USP10: variants seen among roughly 807,000 people sequenced by gnomAD.
USP10 encodes the protein ubiquitin carboxyl-terminal hydrolase 10.
USP10 carries 22 observed loss-of-function variants against 84.5 expected under a neutral mutation model. The ratio of observed to expected loss-of-function variants is 0.26; its 90% CI spans 0.19 to 0.37. The LOEUF (loss-of-function observed/expected upper bound fraction) is 0.37, where lower values mean the gene tolerates loss of function less well. Among genes scored for constraint, USP10 ranks in the 10% least tolerant of loss-of-function variants. The pLI is 1.00. For synonymous variants in USP10, 454 were observed against 387.6 expected, an observed-to-expected ratio of 1.17 and a Z score of -2.01; for missense variants, 1,019 against 998.9, an observed-to-expected ratio of 1.02 and a Z score of -0.27.
intron 8 of USP10, among the ~76,000 whole-genome samples, chr16:84,760,554 A>C (rs1913093552): frequency 6.6e-6 from 1 of 152,220 alleles, no homozygotes; most frequent in African/African-American, 2.4e-5. Context: ...GCTAATGTAC[A>C]TGGCAGAACC....
chr16:84,712,921 C>T (rs572968910), intron 1 of USP10, among the ~76,000 whole-genome samples: 4 of 152,332 alleles, frequency 2.6e-5, no homozygotes, highest in Non-Finnish European at 5.9e-5. Context: ...GAGTTACCAG[C>T]AAGTGCTTGG....
At chr16:84,773,757 A>C (rs1040332509) in intron 12 of USP10, among the ~76,000 whole-genome samples, 1 of 152,128 alleles carries the variant, frequency 6.6e-6, no homozygotes, top group African/African-American at 2.4e-5. Context: ...TCCCCATTTT[A>C]TTCTATCCAT....
intron 1 of USP10, among the ~76,000 whole-genome samples, chr16:84,707,923 C>A (rs1430489083): frequency 1.3e-5 from 2 of 151,756 alleles, no homozygotes; most frequent in African/African-American, 4.8e-5. Flanking sequence ...TACAAAAATA[C>A]AAAAATTCAC....
At chr16:84,771,570 A>T (rs1357423579) in intron 11 of USP10, among the ~76,000 whole-genome samples, 1 of 152,202 alleles carries the variant, frequency 6.6e-6, no homozygotes. Context: ...GAGTTATTTT[A>T]AAATGGGTCA....
intron 7 of USP10, 100 bp from the exon 8 acceptor site, chr16:84,760,072 T>C: frequency 1.3e-6 from 2 of 1,513,098 alleles, no homozygotes; most frequent in Admixed American, 1.8e-5. Flanking sequence ...TTCTCAACAT[T>C]CAGCCAGGTG....
chr16:84,764,523 G>C (rs1913600407), intron 10 of USP10, among the ~76,000 whole-genome samples: 1 of 152,166 alleles, frequency 6.6e-6, no homozygotes, highest in Non-Finnish European at 1.5e-5. Flanking sequence ...CTCACTGCTA[G>C]GGAGTAAGAG....
chr16:84,754,258 A>G (rs574050532), intron 4 of USP10, among the ~76,000 whole-genome samples: 2 of 152,304 alleles, frequency 1.3e-5, no homozygotes, highest in South Asian at 4.2e-4. Flanking sequence ...ACAGAATGAT[A>G]CGGTATTTTA....
At chr16:84,737,306 C>G (rs1054615636) in intron 2 of USP10, among the ~76,000 whole-genome samples, 1 of 152,214 alleles carries the variant, frequency 6.6e-6, no homozygotes, top group African/African-American at 2.4e-5. Flanking sequence ...CCCTTGCTCA[C>G]TTTGCATTTG....
intron 1 of USP10, among the ~76,000 whole-genome samples, chr16:84,717,039 G>T (rs529384499): frequency 2.0e-5 from 3 of 152,188 alleles, no homozygotes; most frequent in African/African-American, 7.2e-5. Flanking sequence ...TTAAAAGTCC[G>T]TTGAGAATCA....
At chr16:84,748,532 G>A (rs1401860866) in intron 4 of USP10, among the ~76,000 whole-genome samples, 1 of 152,058 alleles carries the variant, frequency 6.6e-6, no homozygotes, top group Non-Finnish European at 1.5e-5. Flanking sequence ...TTGAGCTCCT[G>A]ACCTCAAGTG....
intron 2 of USP10, among the ~76,000 whole-genome samples, chr16:84,735,214 TGTGTGTGTGTGTGTGTGTGTGTGG>T (rs1266650779): frequency 6.3e-5 from 4 of 63,104 alleles, no homozygotes; most frequent in African/African-American, 2.8e-4. Flanking sequence ...TGTGTGTGTG[TGTGTGTGTGTGTGTGTGTGTGTGG>T]TGTGTGTGTT....
chr16:84,767,547 G>T (rs923540286), intron 10 of USP10, among the ~76,000 whole-genome samples: 1 of 152,032 alleles, frequency 6.6e-6, no homozygotes, highest in Non-Finnish European at 1.5e-5. Context: ...TATTTTATTA[G>T]AACAGGCTAT....
At position 84,733,440 on chromosome 16, in the gene USP10, T is replaced by C; in HGVS notation, c.27T>C (p.Ile9=). 1 of 1,605,742 alleles carries C rather than the reference T, an allele frequency of 6.2e-7. No homozygotes were observed. Among genetic ancestry groups the C allele is most frequent in the Non-Finnish European group, 8.5e-7 (1 of 1,176,498 alleles). Reference sequence around the variant, plus strand: ...ACTCTCTTATTTTTTTTCAGTATATTTTTGGAGATTTTAGCCCTGATGAAT... The same window carrying C: ...ACTCTCTTATTTTTTTTCAGTATATCTTTGGAGATTTTAGCCCTGATGAAT... The part of the protein sequence containing the change: MALHSPQY[I]FGDFSPDEFN... Residue 9 remains isoleucine, a synonymous_variant, in exon 2 of 14, where the codon ATT becomes ATC. Transcript: ENST00000219473.
At chr16:84,778,462 G>A (rs1288534918) in intron 13 of USP10, among the ~76,000 whole-genome samples, 3 of 152,186 alleles carry the variant, frequency 2.0e-5, no homozygotes, top group South Asian at 2.1e-4. Flanking sequence ...GAGGTTTTCC[G>A]TTTTTTCACT....
chr16:84,775,402 G>T (rs532823191), intron 13 of USP10, among the ~76,000 whole-genome samples, 177 bp downstream of exon 13: 6 of 152,176 alleles, frequency 3.9e-5, no homozygotes, highest in Admixed American at 3.9e-4. Context: ...CGTAGATGAC[G>T]GATTATCATC....
rs373570866 is a variant in USP10 at position 84,759,942 on chromosome 16, A to C, written c.1446A>C (p.Arg482=). The change falls in exon 7 of 14, where the codon CGA becomes CGC. Residue 482 remains arginine, a synonymous_variant. Coordinates refer to ENST00000219473, the MANE Select transcript of USP10 (RefSeq NM_005153.3). ...FTNMPVPPKP[R]QALGDKIVRD... is the part of the protein sequence containing the mutation. Reference sequence around the variant, plus strand: ...ATATGCCAGTACCTCCAAAACCCCGACAAGGTTAGTAAAAATGAGTTTTGT... The same window carrying C: ...ATATGCCAGTACCTCCAAAACCCCGCCAAGGTTAGTAAAAATGAGTTTTGT... The C allele has an allele frequency of 3.1e-6, 5 of 1,613,878 alleles. No individual in the cohort carries two copies. In the African/African-American group the frequency reaches 6.7e-5, roughly 22 times the overall value.
intron 3 of USP10, among the ~76,000 whole-genome samples, chr16:84,743,068 C>T (rs777536548): frequency 6.6e-5 from 10 of 152,300 alleles, no homozygotes; most frequent in Admixed American, 1.3e-4. Flanking sequence ...GGAGCCTTGA[C>T]GGCCCCAGAA....
At chr16:84,745,772 C>A in intron 4 of USP10, 99 bp downstream of exon 4, 1 of 1,278,784 alleles carries the variant, frequency 7.8e-7, no homozygotes, top group Non-Finnish European at 1.1e-6. Context: ...GGCAGATTAC[C>A]TGTGTGTTAA....
chr16:84,731,272 C>T (rs1326685160), intron 1 of USP10, among the ~76,000 whole-genome samples: 2 of 151,780 alleles, frequency 1.3e-5, no homozygotes, highest in Non-Finnish European at 2.9e-5. Context: ...AGCCACCGCT[C>T]CCGGCCTCTA....
Sources: allele counts gnomAD v4.1 joint callset (sites outside exome capture counted in the v4.1 genomes callset), GRCh38; gene constraint gnomAD v4.1.1; transcripts MANE v1.5; gene names NCBI Gene and HGNC (gene_info 2026-07-23, HGNC 2026-07-21).